MLLT3: variants seen among roughly 807,000 people sequenced by gnomAD.
MLLT3 encodes the protein MLLT3 super elongation complex subunit.
Under a neutral mutation model 53.2 loss-of-function variants are expected in MLLT3, and 4 were observed. The observed-to-expected ratio is 0.08, with a 90% CI of 0.04 to 0.17. The LOEUF is 0.17. Among genes scored for constraint, MLLT3 ranks in the 10% least tolerant of loss-of-function variants. MLLT3 has a pLI of 1.00. For missense variants in MLLT3, 569 were observed against 684.0 expected (o/e 0.83, Z 1.87); for synonymous variants, 283 against 230.6 (o/e 1.23, Z -2.06).
At chr9:20,484,709 T>C (rs1381895711) in intron 2 of MLLT3, among the ~76,000 whole-genome samples, 1 of 152,134 alleles carries the variant, frequency 6.6e-6, no homozygotes, top group Non-Finnish European at 1.5e-5. Flanking sequence ...CTGTAACCTG[T>C]AAAGTCTGTA....
intron 2 of MLLT3, among the ~76,000 whole-genome samples, chr9:20,566,969 C>A (rs1391693920): frequency 5.9e-5 from 9 of 151,986 alleles, no homozygotes; most frequent in Non-Finnish European, 1.3e-4. Flanking sequence ...CTGCTATGTC[C>A]CTGATCTCAA....
intron 5 of MLLT3, among the ~76,000 whole-genome samples, chr9:20,379,642 G>GA (rs1821858185): frequency 6.6e-6 from 1 of 151,934 alleles, no homozygotes; most frequent in African/African-American, 2.4e-5. Context: ...ACAAACTTTA[G>GA]GTTTTAATTT....
intron 2 of MLLT3, among the ~76,000 whole-genome samples, chr9:20,564,638 A>C (rs1384356111): frequency 1.3e-5 from 2 of 152,174 alleles, no homozygotes; most frequent in East Asian, 3.8e-4. Flanking sequence ...TTTAAACAAC[A>C]ACCAACTATT....
chr9:20,491,521 A>T (rs1824947034), intron 2 of MLLT3, among the ~76,000 whole-genome samples: 1 of 152,184 alleles, frequency 6.6e-6, no homozygotes, highest in South Asian at 2.1e-4. Context: ...ATAAACAGCC[A>T]GTCAATCACA....
chr9:20,615,700 G>A (rs78179769), intron 2 of MLLT3, among the ~76,000 whole-genome samples: 2,351 of 151,826 alleles, frequency 0.015, 59 homozygotes, highest in East Asian at 0.12. Context: ...GATTGGTGAC[G>A]TTAAATCTAT....
At chr9:20,494,875 G>C (rs1292503405) in intron 2 of MLLT3, among the ~76,000 whole-genome samples, 1 of 152,116 alleles carries the variant, frequency 6.6e-6, no homozygotes, top group Admixed American at 6.6e-5. Flanking sequence ...GGTACCAAAT[G>C]GATCTTCCCA....
intron 5 of MLLT3, among the ~76,000 whole-genome samples, chr9:20,400,721 T>A (rs1215551477): frequency 6.6e-6 from 1 of 151,608 alleles, no homozygotes; most frequent in Non-Finnish European, 1.5e-5. Context: ...ATCTTCATAA[T>A]GAAGGATTAC....
chr9:20,365,810 A>G, intron 5 of MLLT3, 66 bp from the exon 6 acceptor site: 1 of 1,543,086 alleles, frequency 6.5e-7, no homozygotes. Flanking sequence ...AAAGTTGAAA[A>G]CAGTATTGTT....
chr9:20,508,097 C>T (rs908656281), intron 2 of MLLT3, among the ~76,000 whole-genome samples: 1 of 152,144 alleles, frequency 6.6e-6, no homozygotes, highest in Non-Finnish European at 1.5e-5. Context: ...CATCTGTCTC[C>T]TACTAACCAG....
Position 20,448,384 on chromosome 9 carries a change from C to T in MLLT3, c.277-118G>A, listed in dbSNP as rs1823758390. ...AGAACTAAGACATCTAACAGCTAAACTGTCAAAGTAGTACTGGGAAAAAAA... is the reference window on the plus strand; with the variant it reads ...AGAACTAAGACATCTAACAGCTAAATTGTCAAAGTAGTACTGGGAAAAAAA... On this transcript the variant is annotated intron_variant, in intron 3 of 10. Transcript: ENST00000380338. The surrounding 1 kb of genome is among the most constrained non-coding windows in gnomAD (Gnocchi z 4.0). The T allele has an allele frequency of 4.7e-6, 4 of 849,402 alleles. No homozygotes were observed. Among genetic ancestry groups the T allele is most frequent in the Non-Finnish European group, 7.1e-6 (4 of 560,952 alleles). The allele number at this position is 849,402 out of a possible 1,614,324, so 52.6% of individuals were successfully genotyped here.
intron 2 of MLLT3, among the ~76,000 whole-genome samples, chr9:20,480,367 G>A (rs1351620582): frequency 1.3e-5 from 2 of 152,052 alleles, no homozygotes; most frequent in Non-Finnish European, 2.9e-5. Flanking sequence ...TGCCTTATTC[G>A]TGGCTTCTTG....
chr9:20,437,851 C>A (rs559392285), intron 4 of MLLT3, among the ~76,000 whole-genome samples: 1 of 152,114 alleles, frequency 6.6e-6, no homozygotes, highest in Admixed American at 6.6e-5. Context: ...CAATAAATAA[C>A]TATCTTTTGT....
chr9:20,448,482 G>T lies in MLLT3; in HGVS notation c.277-216C>A, dbSNP rs556412498. Among the ~76,000 whole-genome samples the T allele has an allele frequency of 6.6e-6, 1 of 152,082 alleles. No homozygotes were observed. The highest frequency in any genetic ancestry group is 2.1e-4 in the South Asian group (1 of 4,796). On this transcript the variant is annotated intron_variant, in intron 3 of 10. Transcript: ENST00000380338. This position sits in a 1 kb window ranked among gnomAD's most constrained non-coding sequence, Gnocchi z 4.0. ...ATTAGTTTCTTGTGTTAGGGGAAAT[G>T]AAATAAGAAAAACTTCTCTTCTTCC... is the stretch of plus-strand genomic sequence containing the variant.
chr9:20,575,612 C>T (rs1819633552), intron 2 of MLLT3, among the ~76,000 whole-genome samples: 1 of 152,116 alleles, frequency 6.6e-6, no homozygotes, highest in African/African-American at 2.4e-5. Flanking sequence ...TCGTGTATCT[C>T]CATCGAGCTC....
rs1369798931 is a variant in MLLT3 at position 20,620,870 on chromosome 9, C to G, written c.13-36G>C. ...GGGGAGGAGAGACAGCCGTGAATAA[C>G]AGGAAGGCGAGGTTTCGGCAGTGAA... On this transcript the variant is annotated intron_variant, in intron 1 of 10. Transcript: ENST00000380338. This position sits in a 1 kb window ranked among gnomAD's most constrained non-coding sequence, Gnocchi z 6.1. The G allele has an allele frequency of 2.1e-5, 34 of 1,611,788 alleles. No individual in the cohort carries two copies. Among genetic ancestry groups the G allele is most frequent in the Non-Finnish European group, 2.7e-5 (32 of 1,178,494 alleles).
Position 20,414,235 on chromosome 9 carries a change from T to C in MLLT3, c.611A>G (p.Lys204Arg). Reference sequence around the variant, plus strand: ...TCTGGAGTCTTTAGAAGGTTTTTCCTTGTGCTCCTTCATTAATTTGTGAGG... The same window carrying C: ...TCTGGAGTCTTTAGAAGGTTTTTCCCTGTGCTCCTTCATTAATTTGTGAGG... Reference protein sequence around the residue: ...SKPHKLMKEHKEKPSKDSREH... With the variant: ...SKPHKLMKEHREKPSKDSREH... Residue 204 changes from lysine (K) to arginine (R), a missense_variant, in exon 5 of 11, where the codon AAG becomes AGG. This residue lies in a region of MLLT3 where 437 missense variants were observed against 376.5 expected (regional missense o/e 1.16). Coordinates refer to ENST00000380338, the MANE Select transcript of MLLT3 (RefSeq NM_004529.4). 1 of 1,614,096 alleles carries C rather than the reference T, an allele frequency of 6.2e-7. No homozygotes were observed. Among genetic ancestry groups the C allele is most frequent in the East Asian group, 2.2e-5 (1 of 44,884 alleles).
At chr9:20,496,079 T>C (rs1296103341) in intron 2 of MLLT3, among the ~76,000 whole-genome samples, 1 of 152,214 alleles carries the variant, frequency 6.6e-6, no homozygotes, top group Admixed American at 6.5e-5. Context: ...CTGTGCTTAG[T>C]CCACAGAATT....
chr9:20,457,622 A>G (rs750924929), intron 2 of MLLT3, among the ~76,000 whole-genome samples: 54 of 152,074 alleles, frequency 3.6e-4, no homozygotes, highest in Non-Finnish European at 7.1e-4. Flanking sequence ...AATGATGCAT[A>G]ACCTCCCTCC....
At chr9:20,514,124 T>C (rs566692550) in intron 2 of MLLT3, among the ~76,000 whole-genome samples, 3 of 152,322 alleles carry the variant, frequency 2.0e-5, no homozygotes, top group Admixed American at 2.0e-4. Flanking sequence ...TCACCATTAA[T>C]TGTAGTAACT....
Sources: gnomAD v4.1 joint callset for allele counts (sites outside exome capture counted in the v4.1 genomes callset) on GRCh38, gnomAD v4.1.1 for gene constraint, gnomAD v4.1.1 regional missense constraint, Gnocchi (gnomAD v3.1) non-coding constraint, MANE v1.5 for transcripts, NCBI Gene and HGNC (gene_info 2026-07-23, HGNC 2026-07-21) for gene names.